Variants in ARB2A observed in about 807,000 individuals in gnomAD.
ARB2A encodes the protein cotranscriptional regulator ARB2A.
the ARB2A span, among the ~76,000 whole-genome samples, chr5:93,760,212 C>T: frequency 6.6e-6 from 1 of 152,162 alleles, no homozygotes; most frequent in African/African-American, 2.4e-5. Context: ...AAGACCTCTA[C>T]AAGAAAAACT....
chr5:94,000,147 T>C, the ARB2A span, among the ~76,000 whole-genome samples: 1 of 152,130 alleles, frequency 6.6e-6, no homozygotes, highest in Admixed American at 6.6e-5. Context: ...GGTTTTCATG[T>C]GGACGTAAGT....
At chr5:93,780,134 C>A in the ARB2A span, among the ~76,000 whole-genome samples, 1 of 152,226 alleles carries the variant, frequency 6.6e-6, no homozygotes, top group African/African-American at 2.4e-5. Context: ...TGTAAATCGC[C>A]ATTGCTTTAA....
chr5:93,623,255 C>CAA, the ARB2A span, among the ~76,000 whole-genome samples: 2,435 of 123,506 alleles, frequency 0.02, 18 homozygotes, highest in Middle Eastern at 0.03. Context: ...TACAATAAGC[C>CAA]AAAAAAAAAA....
At chr5:93,876,166 A>G in the ARB2A span, among the ~76,000 whole-genome samples, 1 of 152,210 alleles carries the variant, frequency 6.6e-6, no homozygotes, top group Non-Finnish European at 1.5e-5. Flanking sequence ...GGTGATTAAC[A>G]CTGGGAATTT....
chr5:93,686,009 C>T, the ARB2A span, among the ~76,000 whole-genome samples: 1 of 152,162 alleles, frequency 6.6e-6, no homozygotes, highest in African/African-American at 2.4e-5. Flanking sequence ...CAAAAATGTA[C>T]TGACTATGTG....
At chr5:93,881,773 A>G in the ARB2A span, 1 of 882,948 alleles carries the variant, frequency 1.1e-6, no homozygotes, top group African/African-American at 1.7e-5. Flanking sequence ...TTTCAGTCTA[A>G]GCAATTTTTA....
chr5:93,824,061 TAA>T, the ARB2A span: 18 of 1,123,954 alleles, frequency 1.6e-5, no homozygotes, highest in Middle Eastern at 2.2e-4. Flanking sequence ...TAACATAACT[TAA>T]AGAGTATTGA....
At chr5:93,881,325 C>T in the ARB2A span, 1 of 563,874 alleles carries the variant, frequency 1.8e-6, no homozygotes, top group East Asian at 3.1e-5. Context: ...TTTAAAAACC[C>T]ATTTAATCCA....
At chr5:93,938,621 T>C in the ARB2A span, among the ~76,000 whole-genome samples, 361 of 152,262 alleles carry the variant, frequency 2.4e-3, no homozygotes, top group Non-Finnish European at 3.9e-3. Context: ...AGAGATTCCA[T>C]GGAGGGAAAG....
the ARB2A span, among the ~76,000 whole-genome samples, chr5:93,858,492 C>T: frequency 2.0e-5 from 3 of 152,196 alleles, no homozygotes; most frequent in Non-Finnish European, 2.9e-5. Context: ...ATTGTCATTA[C>T]AATCCAATGG....
At chr5:93,862,844 T>G in the ARB2A span, 1 of 152,220 alleles carries the variant, frequency 6.6e-6, no homozygotes, top group African/African-American at 2.4e-5. Context: ...CCTTTAAGTG[T>G]TTGAGTATTA....
chr5:93,942,402 T>C, the ARB2A span, among the ~76,000 whole-genome samples: 2 of 152,130 alleles, frequency 1.3e-5, no homozygotes, highest in Admixed American at 1.3e-4. Context: ...AAATTTAGAA[T>C]TAGTGATCTT....
the ARB2A span, among the ~76,000 whole-genome samples, chr5:94,032,726 T>C: frequency 6.6e-6 from 1 of 152,124 alleles, no homozygotes; most frequent in African/African-American, 2.4e-5. Context: ...CATCCTACAA[T>C]TGTGTCCTGG....
the ARB2A span, among the ~76,000 whole-genome samples, chr5:93,801,926 A>G: frequency 2.5e-3 from 378 of 152,252 alleles, 1 homozygote; most frequent in African/African-American, 8.7e-3. Context: ...TAATTCAACC[A>G]GTAAAGAATT....
At chr5:94,049,045 C>CA in the ARB2A span, among the ~76,000 whole-genome samples, 1 of 151,810 alleles carries the variant, frequency 6.6e-6, no homozygotes, top group East Asian at 1.9e-4. Context: ...TATTTAAAAA[C>CA]AAAAAAGGAA....
chr5:94,060,325 C>T, the ARB2A span, among the ~76,000 whole-genome samples: 1 of 152,058 alleles, frequency 6.6e-6, no homozygotes, highest in East Asian at 1.9e-4. Flanking sequence ...GCACTCCAGC[C>T]AGGGCCACAG....
the ARB2A span, among the ~76,000 whole-genome samples, chr5:93,881,854 T>C: frequency 6.6e-6 from 1 of 151,338 alleles, no homozygotes; most frequent in Admixed American, 6.6e-5. Context: ...AAGAAAGTCA[T>C]TTAAAATTGT....
chr5:94,001,062 A>G, the ARB2A span, among the ~76,000 whole-genome samples: 1 of 152,062 alleles, frequency 6.6e-6, no homozygotes, highest in Non-Finnish European at 1.5e-5. Flanking sequence ...ATTTATAGTA[A>G]GTCTTTAAGT....
the ARB2A span, chr5:93,734,196 A>G: frequency 6.6e-6 from 1 of 152,224 alleles, no homozygotes; most frequent in African/African-American, 2.4e-5. Flanking sequence ...AAGGATTGAT[A>G]AAAGTGTAAG....
Sources: allele counts gnomAD v4.1 joint callset (sites outside exome capture counted in the v4.1 genomes callset), GRCh38; gene constraint gnomAD v4.1.1; transcripts MANE v1.5; gene names NCBI Gene and HGNC (gene_info 2026-07-23, HGNC 2026-07-21).